Variants in ZNF577 observed in about 807,000 individuals in gnomAD.
The protein encoded by ZNF577 is zinc finger protein 577.
Under a neutral mutation model 13.9 loss-of-function variants are expected in ZNF577, and 14 were observed. That is an observed-to-expected ratio of 1.00 (90% confidence interval 0.66 to 1.57). The LOEUF (loss-of-function observed/expected upper bound fraction) is 1.57, where lower values mean the gene tolerates loss of function less well. Ranked by LOEUF, ZNF577 falls within the 40% of genes most tolerant of loss-of-function variation. The pLI is 0.00. For missense variants in ZNF577, 555 were observed against 579.2 expected, an observed-to-expected ratio of 0.96 and a Z score of 0.43; for synonymous variants, 203 against 202.9, an observed-to-expected ratio of 1.00 and a Z score of 0.00.
chr19:51,854,809 G>C (rs146432034), intron 5 of ZNF577, among the ~76,000 whole-genome samples: 1 of 152,186 alleles, frequency 6.6e-6, no homozygotes, highest in East Asian at 1.9e-4. Context: ...GTTTCTAAGA[G>C]TCTGTTCACT....
intron 5 of ZNF577, among the ~76,000 whole-genome samples, chr19:51,874,696 G>C (rs1204679475): frequency 6.6e-6 from 1 of 152,194 alleles, no homozygotes; most frequent in African/African-American, 2.4e-5. Context: ...TGAATTGACA[G>C]TTCCAAAACA....
chr19:51,817,516 GT>G (rs374226180), intron 9 of ZNF577, among the ~76,000 whole-genome samples: 11 of 145,550 alleles, frequency 7.6e-5, no homozygotes, highest in South Asian at 2.2e-4. Flanking sequence ...AATCTGTTTT[GT>G]TTTTTTTTTT....
intron 8 of ZNF577, among the ~76,000 whole-genome samples, chr19:51,841,321 T>A (rs1287950918): frequency 6.6e-6 from 1 of 152,162 alleles, no homozygotes; most frequent in Non-Finnish European, 1.5e-5. Context: ...AAGCCTGCAT[T>A]TGCTGTAGAG....
chr19:51,865,285 C>T (rs1374055807), downstream of ZNF577, among the ~76,000 whole-genome samples: 1 of 152,110 alleles, frequency 6.6e-6, no homozygotes, highest in East Asian at 1.9e-4. Context: ...TTAGTAGAGA[C>T]AGGGTTTCGC....
intron 9 of ZNF577, among the ~76,000 whole-genome samples, chr19:51,830,199 G>A (rs1346197522): frequency 6.6e-6 from 1 of 151,250 alleles, no homozygotes; most frequent in Non-Finnish European, 1.5e-5. Context: ...TAGAAATTGA[G>A]TGGAAGAAAT....
rs2084705888 is a variant in ZNF577, at chr19:51,873,684, T to A, written c.306A>T (p.Arg102Ser). Residue 102 changes from arginine (R) to serine (S), a missense_variant, in exon 6 of 6, where the codon AGA becomes AGT. By Grantham distance (110) the Arg-to-Ser change is moderately radical. Coordinates refer to ENST00000638348, the MANE Select transcript of ZNF577 (RefSeq NM_001370449.1). ...ATGCATCAGAATCTTTTCCTGCATA[T>A]CTTCTACTCTGGATTACAAAACCTA... Reference protein sequence around the residue: ...ICPGFVIQSRRYAGKDSDAFG... With the variant: ...ICPGFVIQSRSYAGKDSDAFG... 1 of 1,611,206 alleles carries A rather than the reference T, an allele frequency of 6.2e-7. No individual in the cohort carries two copies. The highest frequency in any genetic ancestry group is 1.7e-5 in the Admixed American group (1 of 59,740).
At position 51,824,825 on chromosome 19, in the gene ZNF577, T is replaced by C. The variant is rs780815157; in HGVS notation, c.*600-13151A>G. 2.5e-6 allele frequency: 4 copies of C among 1,589,098 alleles called. No homozygotes were observed. Among genetic ancestry groups the C allele is most frequent in the African/African-American group, 2.7e-5 (2 of 74,008 alleles). On this transcript the variant is annotated intron_variant and NMD_transcript_variant, in intron 9 of 10. Transcript: ENST00000638827. This position sits in a 1 kb window ranked among gnomAD's most constrained non-coding sequence, Gnocchi z 4.7. ...AAGCAATGTGAGGTCGGGGATATTTTTGGGCTCTGTCTCTTTCTACCCTGC... is the reference window on the plus strand; with the variant it reads ...AAGCAATGTGAGGTCGGGGATATTTCTGGGCTCTGTCTCTTTCTACCCTGC...
chr19:51,874,177 A>C (rs2084717398), intron 5 of ZNF577, among the ~76,000 whole-genome samples: 1 of 152,220 alleles, frequency 6.6e-6, no homozygotes, highest in African/African-American at 2.4e-5. Context: ...TGCAACTGGA[A>C]TAAATCAAAA....
chr19:51,864,142 ATAT>A (rs371805022), downstream of ZNF577, among the ~76,000 whole-genome samples: 435 of 152,340 alleles, frequency 2.9e-3, 3 homozygotes, highest in African/African-American at 8.6e-3. Context: ...TATGGCATGA[ATAT>A]TTTTAGGCTT....
intron 9 of ZNF577, among the ~76,000 whole-genome samples, chr19:51,823,318 AGCATG>A (rs1395558866): frequency 6.6e-6 from 1 of 152,156 alleles, no homozygotes; most frequent in Non-Finnish European, 1.5e-5. Flanking sequence ...AGACTGGGAG[AGCATG>A]GGGCCGAAAG....
At chr19:51,819,475 C>T (rs76748600) in intron 9 of ZNF577, among the ~76,000 whole-genome samples, 15,150 of 150,326 alleles carry the variant, frequency 0.1, 1,001 homozygotes, top group East Asian at 0.21. Context: ...ATTGTGTGTA[C>T]ATCTTATCAT....
In ZNF577 at chr19:51,867,100, C is replaced by G. The variant is rs2084575780; in HGVS notation, c.*5432G>C. ...CACCTGTATTCACACTTAAGGCACTCTGTATGAAGCTACATTTCCTCATTC... is the reference window on the plus strand; with the variant it reads ...CACCTGTATTCACACTTAAGGCACTGTGTATGAAGCTACATTTCCTCATTC... On this transcript the variant is annotated 3_prime_UTR_variant, in exon 6 of 6. Coordinates refer to ENST00000638348, the MANE Select transcript of ZNF577 (RefSeq NM_001370449.1). 6.6e-6 allele frequency among the ~76,000 whole-genome samples: 1 copy of G among 152,182 alleles called. No homozygotes were observed.
At chr19:51,880,025 G>C (rs2084835904) in intron 3 of ZNF577, among the ~76,000 whole-genome samples, 1 of 152,158 alleles carries the variant, frequency 6.6e-6, no homozygotes, top group Non-Finnish European at 1.5e-5. Context: ...CTTCTTCAGG[G>C]AGGATCATTC....
chr19:51,808,780 C>G (rs2084077640), intron 10 of ZNF577, among the ~76,000 whole-genome samples: 1 of 152,198 alleles, frequency 6.6e-6, no homozygotes, highest in Non-Finnish European at 1.5e-5. Context: ...GCTCTTAAAT[C>G]ATGTAGTAGT....
intron 5 of ZNF577, 79 bp from the exon 6 acceptor site, chr19:51,873,785 A>C: frequency 9.1e-7 from 1 of 1,103,590 alleles, no homozygotes; most frequent in Non-Finnish European, 1.3e-6. Context: ...CTCTTACATA[A>C]ACCAAACTTA....
In ZNF577 at chr19:51,836,192, C is replaced by A. The variant is rs141195116; in HGVS notation, c.*599+3701G>T. Among the ~76,000 whole-genome samples the A allele has an allele frequency of 4.4e-3, 671 of 152,170 alleles. 4 individuals are homozygous for A. Among genetic ancestry groups the A allele is most frequent in the African/African-American group, 0.015 (637 of 41,496 alleles). ...CATCATGTGGAAATTTGCAGTGAAA[C>A]CAAAATGAAGCCAAGTAATTTAATT... On this transcript the variant is annotated intron_variant and NMD_transcript_variant, in intron 9 of 10. Transcript: ENST00000638827.
chr19:51,877,510 C>A, intron 4 of ZNF577, 133 bp from the exon 5 acceptor site: 2 of 686,726 alleles, frequency 2.9e-6, no homozygotes, highest in Non-Finnish European at 5.0e-6. Context: ...GAAAAGAGCA[C>A]AACCACTTCG....
At chr19:51,848,282 A>C (rs557359931) in intron 5 of ZNF577, among the ~76,000 whole-genome samples, 1 of 152,296 alleles carries the variant, frequency 6.6e-6, no homozygotes, top group Non-Finnish European at 1.5e-5. Context: ...CGTTCTTCTA[A>C]ACCACACGAA....
At chr19:51,841,963 A>C (rs1228503982) in intron 8 of ZNF577, among the ~76,000 whole-genome samples, 1 of 152,196 alleles carries the variant, frequency 6.6e-6, no homozygotes, top group Non-Finnish European at 1.5e-5. Context: ...ATACAAGAAA[A>C]ATTCAGAAAG....
Sources: allele counts gnomAD v4.1 joint callset (sites outside exome capture counted in the v4.1 genomes callset), GRCh38; gene constraint gnomAD v4.1.1; non-coding constraint Gnocchi (gnomAD v3.1); transcripts MANE v1.5; gene names NCBI Gene and HGNC (gene_info 2026-07-23, HGNC 2026-07-21).